The following SPATA13 variants were observed in gnomAD, a reference collection of about 807,000 sequenced individuals.
The protein encoded by SPATA13 is spermatogenesis associated 13.
SPATA13 carries 50 observed loss-of-function variants against 104.0 expected under a neutral mutation model. That is an observed-to-expected ratio of 0.48 (90% CI 0.38 to 0.61). SPATA13 has a LOEUF of 0.61. Among genes scored for constraint, SPATA13 ranks in the 20% least tolerant of loss-of-function variants. The probability of loss-of-function intolerance (pLI) is 0.00; values close to 1 mark genes in which losing one functional copy is unlikely to be tolerated. For missense variants in SPATA13, 1,524 were observed against 1,690.6 expected (o/e 0.90, Z 1.73); for synonymous variants, 606 against 667.5 (o/e 0.91, Z 1.42).
chr13:24,154,780 G>C (rs902444857), intron 3 of SPATA13, among the ~76,000 whole-genome samples: 1 of 152,192 alleles, frequency 6.6e-6, no homozygotes, highest in Non-Finnish European at 1.5e-5. Context: ...AAGCTTGACT[G>C]GGGGAGAATT....
intron 3 of SPATA13, among the ~76,000 whole-genome samples, chr13:24,018,588 AT>A (rs1277756167): frequency 6.6e-6 from 1 of 152,238 alleles, no homozygotes; most frequent in Admixed American, 6.5e-5. Context: ...CTACGCATTA[AT>A]AGCCAATGAT....
At chr13:24,081,482 A>G (rs1165554490) in intron 3 of SPATA13, among the ~76,000 whole-genome samples, 1 of 152,040 alleles carries the variant, frequency 6.6e-6, no homozygotes, top group Non-Finnish European at 1.5e-5. Flanking sequence ...CATCAATAGT[A>G]TGAGGCTGTA....
chr13:24,101,997 C>T (rs1880271214), intron 3 of SPATA13, among the ~76,000 whole-genome samples: 1 of 152,134 alleles, frequency 6.6e-6, no homozygotes, highest in Non-Finnish European at 1.5e-5. Context: ...GATATATACC[C>T]AGAAGTAGGA....
Position 24,285,566 on chromosome 13 carries a change from G to A in SPATA13, c.2302-648G>A, listed in dbSNP as rs558418557. On this transcript the variant is annotated intron_variant, in intron 5 of 12. Coordinates refer to ENST00000382108, the MANE Select transcript of SPATA13 (RefSeq NM_001166271.3). ...GCATTTTGCTCTTGTTGCCCAGGCTGGAGTGCAGTGATGTAATCTCGGCTC... is the reference window on the plus strand; with the variant it reads ...GCATTTTGCTCTTGTTGCCCAGGCTAGAGTGCAGTGATGTAATCTCGGCTC... Among the ~76,000 whole-genome samples, 22 of 150,350 alleles carry A rather than the reference G, an allele frequency of 1.5e-4. 1 individual carries two copies. In the South Asian group the frequency reaches 3.8e-3, roughly 26 times the overall value.
At chr13:24,121,194 C>A (rs1447373799) in intron 3 of SPATA13, among the ~76,000 whole-genome samples, 3 of 152,128 alleles carry the variant, frequency 2.0e-5, no homozygotes, top group Non-Finnish European at 1.5e-5. Context: ...TGTACACTGA[C>A]AGCTTTAAGA....
chr13:24,116,567 C>T (rs1434476541), intron 3 of SPATA13, among the ~76,000 whole-genome samples: 2 of 152,262 alleles, frequency 1.3e-5, no homozygotes, highest in East Asian at 1.9e-4. Context: ...GTCCCCACAA[C>T]GACTGTATCT....
In SPATA13 at chr13:24,088,468, A is replaced by T. The variant is rs1294593319; in HGVS notation, c.-112+70767A>T. ...AGAACCCAAGCCCATCACCCTGGAC[A>T]TTGACACTTCTCTTAGGGAAACACT... is the stretch of plus-strand genomic sequence containing the variant. On this transcript the variant is annotated intron_variant, in intron 3 of 14. Coordinates refer to the SPATA13 transcript ENST00000424834. The surrounding 1 kb of genome is among the most constrained non-coding windows in gnomAD (Gnocchi z 4.3). Among the ~76,000 whole-genome samples, 4 of 152,144 alleles carry T rather than the reference A, an allele frequency of 2.6e-5. No individual in the cohort carries two copies.
At chr13:24,179,796 G>A (rs12100261) in intron 1 of SPATA13, among the ~76,000 whole-genome samples, 226 of 152,166 alleles carry the variant, frequency 1.5e-3, no homozygotes, top group African/African-American at 5.0e-3. Context: ...GTGCTTATTG[G>A]CTATTTGGAT....
chr13:24,290,021 T>C (rs1593505128), intron 8 of SPATA13, among the ~76,000 whole-genome samples: 1 of 152,156 alleles, frequency 6.6e-6, no homozygotes, highest in Non-Finnish European at 1.5e-5. Flanking sequence ...TCTGGGACAT[T>C]GTCACAGGCC....
intron 3 of SPATA13, among the ~76,000 whole-genome samples, chr13:24,094,451 C>G (rs944725409): frequency 6.6e-6 from 1 of 152,216 alleles, no homozygotes; most frequent in African/African-American, 2.4e-5. Context: ...AGAATGCCAG[C>G]ACACAGCAGG....
chr13:24,067,688 A>C (rs945750956), intron 3 of SPATA13, among the ~76,000 whole-genome samples: 3 of 152,074 alleles, frequency 2.0e-5, no homozygotes, highest in Non-Finnish European at 2.9e-5. Flanking sequence ...ATTTGACCTA[A>C]TATGCATGAT....
chr13:24,206,873 C>A (rs1239843254), intron 1 of SPATA13, among the ~76,000 whole-genome samples: 2 of 149,654 alleles, frequency 1.3e-5, no homozygotes, highest in African/African-American at 2.5e-5. Context: ...GCCTGGGCAA[C>A]GAGTGAAACT....
intron 4 of SPATA13, among the ~76,000 whole-genome samples, chr13:24,259,184 C>T (rs574234151): frequency 9.7e-4 from 147 of 152,330 alleles, no homozygotes; most frequent in South Asian, 7.0e-3. Flanking sequence ...CCCAAGAGAA[C>T]GGGGAAGACC....
chr13:24,171,874 A>G (rs1162607444), intron 1 of SPATA13, among the ~76,000 whole-genome samples: 5 of 152,228 alleles, frequency 3.3e-5, no homozygotes, highest in African/African-American at 1.2e-4. Flanking sequence ...TTGAAAGTTA[A>G]GGCAGTATAT....
At chr13:24,259,712 T>G (rs1041945898) in intron 4 of SPATA13, among the ~76,000 whole-genome samples, 1 of 152,232 alleles carries the variant, frequency 6.6e-6, no homozygotes, top group Non-Finnish European at 1.5e-5. Context: ...GGAAATGCTA[T>G]AGGAGGGGCC....
intron 3 of SPATA13, among the ~76,000 whole-genome samples, chr13:24,102,258 A>G (rs1880281062): frequency 6.6e-6 from 1 of 151,990 alleles, no homozygotes; most frequent in Non-Finnish European, 1.5e-5. Flanking sequence ...CCATGTGCCT[A>G]TTGTCTACTT....
chr13:24,007,960 A>G (rs1030027879), intron 2 of SPATA13, among the ~76,000 whole-genome samples: 1 of 152,256 alleles, frequency 6.6e-6, no homozygotes, highest in African/African-American at 2.4e-5. Context: ...AGCATAACCC[A>G]GAAGTCCTGG....
intron 4 of SPATA13, among the ~76,000 whole-genome samples, chr13:24,267,446 G>A (rs375366478): frequency 1.3e-5 from 2 of 152,170 alleles, no homozygotes; most frequent in South Asian, 2.1e-4. Flanking sequence ...AAGGATGTTA[G>A]TCTAGTGCCC....
Position 24,284,222 on chromosome 13 carries a change from CCAGCCCTCGGTACCTG to C in SPATA13, c.2259_2274del (p.Arg754AlafsTer10). On this transcript the variant is annotated frameshift_variant, in exon 5 of 13. Coordinates refer to ENST00000382108, the MANE Select transcript of SPATA13 (RefSeq NM_001166271.3). LOFTEE classifies it high-confidence loss of function. Reference sequence around the variant, plus strand: ...TTCAGCTATGAAGACCTCTGCCAGGCCAGCCCTCGGTACCTGCAGCCCGGCGGGGAGCAGCTGGCCA... The same window carrying C: ...TTCAGCTATGAAGACCTCTGCCAGGCCAGCCCGGCGGGGAGCAGCTGGCCA... 6.2e-7 allele frequency: 1 copy of C among 1,613,704 alleles called. No individual in the cohort carries two copies. Among genetic ancestry groups the C allele is most frequent in the Non-Finnish European group, 8.5e-7 (1 of 1,179,894 alleles).
Sources: gnomAD v4.1 joint callset for allele counts (sites outside exome capture counted in the v4.1 genomes callset) on GRCh38, gnomAD v4.1.1 for gene constraint, Gnocchi (gnomAD v3.1) non-coding constraint, MANE v1.5 for transcripts, NCBI Gene and HGNC (gene_info 2026-07-23, HGNC 2026-07-21) for gene names.